CA10: variants seen among roughly 807,000 people sequenced by gnomAD.
CA10 encodes the protein carbonic anhydrase-related protein 10.
In CA10, 14 loss-of-function variants were observed where a neutral mutation model predicts 44.2. The ratio of observed to expected loss-of-function variants is 0.32; its 90% CI spans 0.21 to 0.50. CA10 has a LOEUF of 0.50. Ranked by LOEUF, CA10 falls within the 20% of genes least tolerant of loss-of-function variation. The probability of loss-of-function intolerance (pLI) is 0.99; values close to 1 mark genes in which losing one functional copy is unlikely to be tolerated. For synonymous variants in CA10, 159 were observed against 141.6 expected (o/e 1.12, Z -0.87); for missense variants, 350 against 409.7 (o/e 0.85, Z 1.26).
intron 5 of CA10, 43 bp from the exon 6 acceptor site, chr17:51,649,297 G>T: frequency 7.2e-7 from 1 of 1,384,260 alleles, no homozygotes; most frequent in Non-Finnish European, 1.0e-6. Flanking sequence ...CATCACTCTT[G>T]CAGGACAAAC....
rs1170111713 is a variant in CA10 at position 51,693,207 on chromosome 17, T to C, written c.466-39471A>G. 2.6e-5 allele frequency among the ~76,000 whole-genome samples: 4 copies of C among 152,110 alleles called. No individual in the cohort carries two copies. The Middle Eastern group carries it at 0.014, about 517-fold the overall frequency. On this transcript the variant is annotated intron_variant, in intron 4 of 8. Coordinates refer to ENST00000451037, the MANE Select transcript of CA10 (RefSeq NM_020178.5). ...TTCATTCAGCTTTGACCAGTTTCAG[T>C]TGGCTTCAGCCATCTGTTTTGACTA...
intron 4 of CA10, among the ~76,000 whole-genome samples, chr17:51,720,376 C>T (rs1916316316): frequency 6.6e-6 from 1 of 152,058 alleles, no homozygotes; most frequent in South Asian, 2.1e-4. Context: ...TGAGTTTATG[C>T]TAATGAGGTG....
At chr17:51,968,952 A>G (rs1360470234) in intron 2 of CA10, among the ~76,000 whole-genome samples, 3 of 151,996 alleles carry the variant, frequency 2.0e-5, no homozygotes, top group Non-Finnish European at 4.4e-5. Flanking sequence ...CTTGAACTAC[A>G]TTGAATATCT....
At chr17:51,798,024 C>T (rs1337490640) in intron 3 of CA10, among the ~76,000 whole-genome samples, 1 of 152,058 alleles carries the variant, frequency 6.6e-6, no homozygotes, top group Non-Finnish European at 1.5e-5. Flanking sequence ...AAGTGACTTG[C>T]CTTAAGCAAA....
chr17:51,654,346 A>T (rs548918245), intron 4 of CA10, among the ~76,000 whole-genome samples: 1 of 152,066 alleles, frequency 6.6e-6, no homozygotes, highest in African/African-American at 2.4e-5. Flanking sequence ...CTGTTACTTA[A>T]TTTTTTTAAA....
chr17:51,912,907 T>C (rs1371278749), intron 3 of CA10, among the ~76,000 whole-genome samples: 1 of 152,206 alleles, frequency 6.6e-6, no homozygotes, highest in African/African-American at 2.4e-5. Flanking sequence ...TGCATTCACA[T>C]TAATAGCATT....
intron 2 of CA10, among the ~76,000 whole-genome samples, chr17:52,003,416 T>G (rs2144123112): frequency 6.6e-6 from 1 of 152,040 alleles, no homozygotes; most frequent in East Asian, 2.0e-4. Context: ...GCATATGTAT[T>G]TCTTTTATTT....
intron 1 of CA10, among the ~76,000 whole-genome samples, chr17:52,123,969 C>T (rs866816849): frequency 6.6e-6 from 1 of 152,174 alleles, no homozygotes; most frequent in Middle Eastern, 3.2e-3. Flanking sequence ...CATTATAAAG[C>T]ACCTCATTCA....
In CA10 at chr17:51,878,861, TATATATATATATATATATATATATA is replaced by T. The variant is rs1185362782; in HGVS notation, c.279+52104_279+52128del. On this transcript the variant is annotated intron_variant, in intron 3 of 8. Coordinates refer to ENST00000451037, the MANE Select transcript of CA10 (RefSeq NM_020178.5). Reference sequence around the variant, plus strand: ...ATATATATATATATATATATATATATATATATATATATATATATATATATATATATGGGTGTGTGTGTGTGTGTGT... The same window carrying T: ...ATATATATATATATATATATATATATTATATGGGTGTGTGTGTGTGTGTGT... 2.6e-3 allele frequency among the ~76,000 whole-genome samples: 63 copies of T among 23,986 alleles called. 4 individuals are homozygous for T. The highest frequency in any genetic ancestry group is 3.3e-3 in the Non-Finnish European group (47 of 14,454). The allele number at this position is 23,986 out of a possible 152,430, so 15.7% of individuals were successfully genotyped here.
chr17:52,068,906 CAGTG>C (rs1490569243), intron 2 of CA10, among the ~76,000 whole-genome samples: 1 of 152,150 alleles, frequency 6.6e-6, no homozygotes, highest in Non-Finnish European at 1.5e-5. Flanking sequence ...AATGGGGTGA[CAGTG>C]AGAGATTTAT....
intron 2 of CA10, among the ~76,000 whole-genome samples, chr17:52,005,437 C>T (rs1985565665): frequency 6.6e-6 from 1 of 151,942 alleles, no homozygotes; most frequent in Admixed American, 6.6e-5. Context: ...GGGCTACTCC[C>T]TGGCCAAAGA....
intron 2 of CA10, among the ~76,000 whole-genome samples, chr17:52,005,077 T>C (rs1449437295): frequency 6.6e-6 from 1 of 151,894 alleles, no homozygotes; most frequent in East Asian, 1.9e-4. Context: ...CTGAAGTATA[T>C]AACCAAGATC....
rs186556574 is a variant in CA10 at position 51,670,632 on chromosome 17, T to A, written c.466-16896A>T. 2.5e-3 allele frequency among the ~76,000 whole-genome samples: 379 copies of A among 152,304 alleles called. 1 individual carries two copies. The highest frequency in any genetic ancestry group is 4.4e-3 in the Non-Finnish European group (301 of 68,032). On this transcript the variant is annotated intron_variant, in intron 4 of 8. Transcript: ENST00000451037. The stretch of plus-strand genomic sequence containing the variant: ...TCTTTCTCTGGATTTATCTGTAGCA[T>A]CCATACTTCCCCAAGTTTCCAGGTG...
At chr17:51,784,496 CCT>C (rs1906183848) in intron 3 of CA10, among the ~76,000 whole-genome samples, 1 of 152,218 alleles carries the variant, frequency 6.6e-6, no homozygotes, top group South Asian at 2.1e-4. Context: ...CACTAACCGA[CCT>C]CTGTTTATCT....
intron 1 of CA10, among the ~76,000 whole-genome samples, chr17:52,138,534 T>C (rs1212550402): frequency 2.0e-5 from 3 of 152,194 alleles, no homozygotes; most frequent in African/African-American, 4.8e-5. Flanking sequence ...GATGCAGGCA[T>C]GTGACTGAAC....
At chr17:52,048,547 A>G (rs1358610815) in intron 2 of CA10, among the ~76,000 whole-genome samples, 1 of 151,986 alleles carries the variant, frequency 6.6e-6, no homozygotes. Context: ...GAATTTGATC[A>G]TTTTCAGCTG....
intron 1 of CA10, among the ~76,000 whole-genome samples, chr17:52,113,181 C>A (rs1456247921): frequency 6.6e-6 from 1 of 152,132 alleles, no homozygotes; most frequent in Non-Finnish European, 1.5e-5. Context: ...AGAGAGCTTA[C>A]AAGTTTGTCC....
intron 3 of CA10, among the ~76,000 whole-genome samples, chr17:51,822,951 G>GC (rs771501085): frequency 2.0e-5 from 3 of 152,154 alleles, no homozygotes; most frequent in Non-Finnish European, 2.9e-5. Flanking sequence ...AGGAGACACA[G>GC]CCTTACTCAA....
At chr17:52,023,392 G>T (rs990454049) in intron 2 of CA10, among the ~76,000 whole-genome samples, 3 of 152,062 alleles carry the variant, frequency 2.0e-5, no homozygotes, top group African/African-American at 7.2e-5. Flanking sequence ...TTCAATAAAT[G>T]GTGCTGGGAT....
Sources: gnomAD v4.1 joint callset for allele counts (sites outside exome capture counted in the v4.1 genomes callset) on GRCh38, gnomAD v4.1.1 for gene constraint, MANE v1.5 for transcripts, NCBI Gene and HGNC (gene_info 2026-07-23, HGNC 2026-07-21) for gene names.